BCCIP: variants seen among roughly 807,000 people sequenced by gnomAD.
The protein encoded by BCCIP is BRCA2 and CDKN1A interacting protein.
Under a neutral mutation model 32.8 loss-of-function variants are expected in BCCIP, and 23 were observed. The observed-to-expected ratio is 0.70, with a 90% CI of 0.51 to 0.99. The LOEUF (loss-of-function observed/expected upper bound fraction) is 0.99. Ranked by LOEUF, BCCIP falls within the 50% of genes least tolerant of loss-of-function variation. The pLI, the probability that BCCIP is intolerant of heterozygous loss-of-function variation, is 0.00. For synonymous variants in BCCIP, 144 were observed against 137.6 expected, an observed-to-expected ratio of 1.05 and a Z score of -0.33; for missense variants, 378 against 379.8, an observed-to-expected ratio of 1.00 and a Z score of 0.04.
In BCCIP at chr10:125,827,550, C is replaced by T. The variant is rs1329297009; in HGVS notation, c.241-8C>T. On this transcript the variant is annotated splice_polypyrimidine_tract_variant and splice_region_variant and intron_variant, in intron 2 of 6. Transcript: ENST00000278100. ...TCTTAATTTAAAATAATTTTTTCCT[C>T]CTTTTAGCTTTTTCTAAAGGCTCCT... The T allele has an allele frequency of 5.0e-6, 8 of 1,587,596 alleles. No homozygotes were observed. The highest frequency in any genetic ancestry group is 5.2e-6 in the Non-Finnish European group (6 of 1,160,366).
At chr10:125,827,968 A>G (rs575856526) in intron 3 of BCCIP, among the ~76,000 whole-genome samples, 26 of 12,816 alleles carry the variant, frequency 2.0e-3, no homozygotes, top group African/African-American at 4.5e-3. Flanking sequence ...CCTATATCTG[A>G]AAAAAAAAAA....
chr10:125,830,702 C>G (rs1012488150), intron 4 of BCCIP, 51 bp downstream of exon 4: 3 of 1,116,930 alleles, frequency 2.7e-6, no homozygotes, highest in Non-Finnish European at 4.0e-6. Context: ...GCCAAAACCA[C>G]TTTTATTTAA....
intron 5 of BCCIP, 80 bp from the exon 6 acceptor site, chr10:125,833,692 C>A: frequency 1.4e-6 from 2 of 1,471,126 alleles, no homozygotes; most frequent in South Asian, 2.4e-5. Context: ...AGATGCCTCA[C>A]CGGGTTTTCT....
chr10:125,850,357 T>TC (rs200257935), intron 7 of BCCIP, among the ~76,000 whole-genome samples: 24 of 146,890 alleles, frequency 1.6e-4, no homozygotes, highest in African/African-American at 2.5e-4. Flanking sequence ...TTTCTTTCTT[T>TC]TTTTTTTTTT....
downstream of BCCIP, chr10:125,841,411 G>C: frequency 6.3e-7 from 1 of 1,599,540 alleles, no homozygotes; most frequent in Non-Finnish European, 8.5e-7. Flanking sequence ...TAAAAAACAG[G>C]CACACAACAT....
At chr10:125,833,469 T>C (rs982244253) in intron 5 of BCCIP, among the ~76,000 whole-genome samples, 3 of 152,236 alleles carry the variant, frequency 2.0e-5, no homozygotes, top group Non-Finnish European at 2.9e-5. Context: ...TTTTAACTTA[T>C]GCACAGGCAG....
chr10:125,837,341 G>C (rs188176850), downstream of BCCIP, among the ~76,000 whole-genome samples: 156 of 152,336 alleles, frequency 1.0e-3, no homozygotes, highest in Non-Finnish European at 1.7e-3. Context: ...AATGGATCCA[G>C]ACTCTGTACT....
At chr10:125,842,959 A>G (rs1156789862), downstream of BCCIP, among the ~76,000 whole-genome samples, 4 of 152,134 alleles carry the variant, frequency 2.6e-5, no homozygotes, top group Non-Finnish European at 4.4e-5. Context: ...AGATTGGTGC[A>G]AAAGTAATTG....
Position 125,831,454 on chromosome 10 carries a change from T to A in BCCIP, c.446T>A (p.Val149Asp), listed in dbSNP as rs1854519964. Residue 149 changes from valine to aspartate, a missense_variant, in exon 5 of 7, where the codon GTT becomes GAT. By Grantham distance (152) the Val-to-Asp change is radical (BLOSUM62 -3). Transcript: ENST00000278100. ...TQCVEQIQELVLRFCEKNCEK... is the reference protein window; with the variant it reads ...TQCVEQIQELDLRFCEKNCEK... ...TGTGTTGAACAAATTCAAGAGTTGGTTCTACGCTTCTGTGAGAAGAACTGT... is the reference window on the plus strand; with the variant it reads ...TGTGTTGAACAAATTCAAGAGTTGGATCTACGCTTCTGTGAGAAGAACTGT... 6.2e-7 allele frequency: 1 copy of A among 1,614,010 alleles called. No individual in the cohort carries two copies. Among genetic ancestry groups the A allele is most frequent in the Non-Finnish European group, 8.5e-7 (1 of 1,180,010 alleles).
downstream of BCCIP, chr10:125,839,330 C>T (rs1854802678): frequency 6.3e-6 from 5 of 789,864 alleles, no homozygotes; most frequent in Non-Finnish European, 7.8e-6. Flanking sequence ...AGGAAGGCAG[C>T]AAGGACAAGG....
At chr10:125,852,644 T>A in intron 7 of BCCIP, 3 of 1,601,018 alleles carry the variant, frequency 1.9e-6, no homozygotes, top group Non-Finnish European at 2.6e-6. Flanking sequence ...GTTGTACACC[T>A]TTAAATGGAA....
At chr10:125,848,363 A>G (rs1437408000) in intron 7 of BCCIP, among the ~76,000 whole-genome samples, 1 of 152,198 alleles carries the variant, frequency 6.6e-6, no homozygotes, top group African/African-American at 2.4e-5. Context: ...AATTTTGCAT[A>G]AACATCTCAT....
downstream of BCCIP, chr10:125,840,847 ACT>A: frequency 6.3e-7 from 1 of 1,584,408 alleles, no homozygotes; most frequent in Non-Finnish European, 8.6e-7. Flanking sequence ...ATTCACTTAC[ACT>A]CACTGCTAGA....
chr10:125,842,510 G>A (rs1854911353), exon 7 of BCCIP: 1 of 152,384 alleles, frequency 6.6e-6, no homozygotes, highest in Non-Finnish European at 1.5e-5. Flanking sequence ...GAAAACACAA[G>A]TGAGAAACCC....
chr10:125,827,099 T>C (rs1854412320), intron 2 of BCCIP, among the ~76,000 whole-genome samples: 1 of 151,872 alleles, frequency 6.6e-6, no homozygotes, highest in Admixed American at 6.6e-5. Context: ...GGAAGAATTA[T>C]TTCCTTTCAT....
chr10:125,844,507 A>ATATCC (rs1854958060), downstream of BCCIP, among the ~76,000 whole-genome samples: 1 of 152,200 alleles, frequency 6.6e-6, no homozygotes, highest in Non-Finnish European at 1.5e-5. Context: ...AAAGGAGAGG[A>ATATCC]TGTTCTTGGG....
chr10:125,826,821 G>C (rs553925493), intron 2 of BCCIP, among the ~76,000 whole-genome samples, 156 bp downstream of exon 2: 1 of 151,954 alleles, frequency 6.6e-6, no homozygotes, highest in Non-Finnish European at 1.5e-5. Flanking sequence ...GCAACATAAT[G>C]AGAACCTGTC....
At chr10:125,836,952 A>ACCTG, downstream of BCCIP, 1 of 984,374 alleles carries the variant, frequency 1.0e-6, no homozygotes, top group Non-Finnish European at 1.5e-6. Context: ...TGGAGAATCT[A>ACCTG]CCTGTAGAAC....
chr10:125,846,955 A>C (rs915419420), downstream of BCCIP, among the ~76,000 whole-genome samples: 3 of 152,240 alleles, frequency 2.0e-5, no homozygotes, highest in Admixed American at 1.3e-4. Context: ...AGACCCCTGC[A>C]TTAATGTATA....
Sources: gnomAD v4.1 joint callset for allele counts (sites outside exome capture counted in the v4.1 genomes callset) on GRCh38, gnomAD v4.1.1 for gene constraint, MANE v1.5 for transcripts, NCBI Gene and HGNC (gene_info 2026-07-23, HGNC 2026-07-21) for gene names.